CMIP: variants seen among roughly 807,000 people sequenced by gnomAD.
CMIP encodes C-Maf-inducing protein.
CMIP carries 13 observed loss-of-function variants against 97.3 expected under a neutral mutation model. The ratio of observed to expected loss-of-function variants is 0.13; its 90% CI spans 0.09 to 0.21. CMIP has a LOEUF of 0.21. CMIP is among the 10% of genes least tolerant of loss of function. The pLI is 1.00. For missense variants in CMIP, 847 were observed against 1,024.9 expected (o/e 0.83, Z 2.37); for synonymous variants, 538 against 436.3 (o/e 1.23, Z -2.91).
chr16:81,640,177 C>A (rs1267270211), intron 3 of CMIP, among the ~76,000 whole-genome samples: 1 of 152,060 alleles, frequency 6.6e-6, no homozygotes, highest in Non-Finnish European at 1.5e-5. Context: ...GTTTCTGACG[C>A]AGGGCAGGGC....
chr16:81,484,307 G>A (rs2089279945), intron 1 of CMIP, among the ~76,000 whole-genome samples: 1 of 152,238 alleles, frequency 6.6e-6, no homozygotes, highest in South Asian at 2.1e-4. Context: ...AGTTCTGGGA[G>A]GCACGGGAAG....
intron 1 of CMIP, among the ~76,000 whole-genome samples, chr16:81,471,429 CACAT>C (rs375124722): frequency 1.3e-3 from 191 of 152,272 alleles, no homozygotes; most frequent in African/African-American, 4.3e-3. Context: ...CATGTACATG[CACAT>C]ACATTTGTAC....
chr16:81,508,587 A>T (rs1210908053), intron 1 of CMIP, among the ~76,000 whole-genome samples: 1 of 152,238 alleles, frequency 6.6e-6, no homozygotes, highest in African/African-American at 2.4e-5. Context: ...TCTTTGAGAC[A>T]AATGCAAAAA....
chr16:81,585,576 C>T lies in CMIP; in HGVS notation c.301-21991C>T, dbSNP rs188943597. Among the ~76,000 whole-genome samples, 7 of 152,246 alleles carry T rather than the reference C, an allele frequency of 4.6e-5. No individual in the cohort carries two copies. The East Asian group carries it at 7.7e-4, about 17-fold the overall frequency. ...ACGTGGATCAATTCCATTCTGAAAC[C>T]CTTTGTATCAGGCTTCTTTGATTTA... is the stretch of plus-strand genomic sequence containing the variant. On this transcript the variant is annotated intron_variant, in intron 1 of 20. Transcript: ENST00000537098.
chr16:81,581,042 C>T (rs78839024), intron 1 of CMIP, among the ~76,000 whole-genome samples: 139 of 152,278 alleles, frequency 9.1e-4, no homozygotes, highest in African/African-American at 3.2e-3. Context: ...TCTTTTTCCA[C>T]TGGCTTCTTT....
Position 81,707,057 on chromosome 16 carries a change from C to A in CMIP, c.2241C>A (p.Leu747=). The change falls in exon 20 of 21, where the codon CTC becomes CTA. Residue 747 remains leucine (L), a synonymous_variant. Coordinates refer to ENST00000537098, the MANE Select transcript of CMIP (RefSeq NM_198390.3). ...GTTTAAACATGAACAGCACCAAGCT[C>A]TCAGCTGACACCTACGAAGATCTGA... ...LCSLNMNSTK[L]SADTYEDLKA... is the part of the protein sequence containing the mutation. 5 of 1,613,890 alleles carry A rather than the reference C, an allele frequency of 3.1e-6. No individual in the cohort carries two copies. Among genetic ancestry groups the A allele is most frequent in the Non-Finnish European group, 4.2e-6 (5 of 1,179,842 alleles).
intron 7 of CMIP, chr16:81,664,834 T>G (rs144734180): frequency 3.6e-4 from 84 of 235,344 alleles, no homozygotes; most frequent in African/African-American, 1.8e-3. Context: ...GACAGAATAT[T>G]CCCTTCATAG....
chr16:81,537,153 C>T (rs1166604726), intron 1 of CMIP, among the ~76,000 whole-genome samples: 1 of 152,198 alleles, frequency 6.6e-6, no homozygotes, highest in Non-Finnish European at 1.5e-5. Flanking sequence ...GTCCCCCCTG[C>T]TCACCGTCCT....
intron 1 of CMIP, among the ~76,000 whole-genome samples, chr16:81,553,782 G>GA (rs66990614): frequency 0.25 from 37,893 of 152,048 alleles, 5,372 homozygotes; most frequent in African/African-American, 0.39. Flanking sequence ...TGTGGGGCAG[G>GA]AAAAAGCAAA....
intron 2 of CMIP, chr16:81,617,596 T>A (rs2091936845): frequency 1.3e-5 from 2 of 152,326 alleles, no homozygotes; most frequent in Non-Finnish European, 2.9e-5. Flanking sequence ...CTACAGAGGC[T>A]GGGGAAGGGA....
In CMIP at chr16:81,652,383, A is replaced by G; in HGVS notation, c.639+19A>G. On this transcript the variant is annotated intron_variant, in intron 4 of 20. Coordinates refer to ENST00000537098, the MANE Select transcript of CMIP (RefSeq NM_198390.3). The surrounding 1 kb of genome is among the most constrained non-coding windows in gnomAD (Gnocchi z 5.2). ...CTCAGAGGTAAAACCCCTCCCCTGG[A>G]CCCCTTTACATTGTTTGCCTTTCCC... The G allele has an allele frequency of 6.2e-7, 1 of 1,605,176 alleles. No homozygotes were observed. Among genetic ancestry groups the G allele is most frequent in the South Asian group, 1.1e-5 (1 of 90,326 alleles).
At chr16:81,493,400 C>A (rs192518229) in intron 1 of CMIP, among the ~76,000 whole-genome samples, 40 of 152,090 alleles carry the variant, frequency 2.6e-4, no homozygotes, top group African/African-American at 8.7e-4. Flanking sequence ...TTGTCTGGAC[C>A]ATAAAATGCA....
chr16:81,555,352 A>G (rs565508911), intron 1 of CMIP, among the ~76,000 whole-genome samples: 115 of 152,280 alleles, frequency 7.6e-4, no homozygotes, highest in African/African-American at 2.7e-3. Flanking sequence ...GGAGTCCCCA[A>G]GTGACATCAG....
chr16:81,472,261 C>T (rs934089540), intron 1 of CMIP, among the ~76,000 whole-genome samples: 1 of 152,222 alleles, frequency 6.6e-6, no homozygotes, highest in African/African-American at 2.4e-5. Context: ...ATGAGATTAG[C>T]AGCAGTGTTT....
At chr16:81,455,648 C>T (rs145237682) in intron 1 of CMIP, among the ~76,000 whole-genome samples, 2,184 of 152,318 alleles carry the variant, frequency 0.014, 20 homozygotes, top group Non-Finnish European at 0.019. Flanking sequence ...CAGCCTTTCT[C>T]GGTGTGCACA....
rs981169781 is a variant in CMIP, at chr16:81,652,174, G to A, written c.478-29G>A. 6.3e-7 allele frequency: 1 copy of A among 1,583,208 alleles called. No individual in the cohort carries two copies. The highest frequency in any genetic ancestry group is 1.7e-5 in the Admixed American group (1 of 59,710). ...TCTGCCTTCCTTACGTGAGTAACAT[G>A]TTGCTGTCTCTTTATCTCTTTCAAC... On this transcript the variant is annotated intron_variant, in intron 3 of 20. Coordinates refer to ENST00000537098, the MANE Select transcript of CMIP (RefSeq NM_198390.3). The surrounding 1 kb of genome is among the most constrained non-coding windows in gnomAD (Gnocchi z 5.2).
At chr16:81,701,416 A>C (rs1017284841) in intron 15 of CMIP, among the ~76,000 whole-genome samples, 1 of 152,182 alleles carries the variant, frequency 6.6e-6, no homozygotes, top group African/African-American at 2.4e-5. Flanking sequence ...CGGTAAGCAG[A>C]TGCCTGGGAG....
chr16:81,547,980 G>C (rs1324955467), intron 1 of CMIP, among the ~76,000 whole-genome samples: 1 of 152,176 alleles, frequency 6.6e-6, no homozygotes, highest in Non-Finnish European at 1.5e-5. Context: ...GCAGCACGCC[G>C]GCAATCATGT....
intron 1 of CMIP, among the ~76,000 whole-genome samples, chr16:81,459,778 C>A (rs1413337259): frequency 2.6e-5 from 4 of 152,194 alleles, no homozygotes; most frequent in Non-Finnish European, 5.9e-5. Context: ...ATCCCCCACT[C>A]GGGTCTGCAG....
Sources: allele counts gnomAD v4.1 joint callset (sites outside exome capture counted in the v4.1 genomes callset), GRCh38; gene constraint gnomAD v4.1.1; non-coding constraint Gnocchi (gnomAD v3.1); transcripts MANE v1.5; gene names NCBI Gene and HGNC (gene_info 2026-07-23, HGNC 2026-07-21).